Variants in RASGRP3 observed in about 807,000 individuals in gnomAD.
The protein encoded by RASGRP3 is ras guanyl-releasing protein 3.
Under a neutral mutation model 82.7 loss-of-function variants are expected in RASGRP3, and 54 were observed. The observed-to-expected ratio is 0.65, with a 90% confidence interval of 0.52 to 0.82. The LOEUF is 0.82. Among genes scored for constraint, RASGRP3 ranks in the 40% least tolerant of loss-of-function variants. The probability of loss-of-function intolerance (pLI) is 0.00; values close to 1 mark genes in which losing one functional copy is unlikely to be tolerated. For synonymous variants in RASGRP3, 309 were observed against 300.5 expected, an observed-to-expected ratio of 1.03 and a Z score of -0.29; for missense variants, 861 against 828.9, an observed-to-expected ratio of 1.04 and a Z score of -0.48.
chr2:33,476,728 CCT>C (rs70940205), intron 1 of RASGRP3, 21 bp downstream of exon 1: 4 of 142,536 alleles, frequency 2.8e-5, no homozygotes, highest in African/African-American at 5.5e-5. Context: ...GGAGAACTTT[CCT>C]CTCTCTCTCT....
chr2:33,464,179 C>CCAATCACA (rs1666548972), intron 2 of RASGRP3, among the ~76,000 whole-genome samples: 1 of 148,254 alleles, frequency 6.7e-6, no homozygotes. Context: ...AGTGCAGTGG[C>CCAATCACA]GCTATCTTGG....
At chr2:33,515,958 G>A (rs573966149) in intron 3 of RASGRP3, among the ~76,000 whole-genome samples, 1 of 152,242 alleles carries the variant, frequency 6.6e-6, no homozygotes, top group South Asian at 2.1e-4. Flanking sequence ...TAATGCCTGG[G>A]ACATACTTAC....
Position 33,534,332 on chromosome 2 carries a change from G to A in RASGRP3, c.1093G>A (p.Asp365Asn), listed in dbSNP as rs774746107. 24 of 1,568,126 alleles carry A rather than the reference G, an allele frequency of 1.5e-5. 1 individual carries two copies. In the South Asian group the frequency reaches 2.7e-4, roughly 18 times the overall value. Residue 365 changes from aspartate (D) to asparagine (N), a missense_variant, in exon 11 of 18, where the codon GAC (aspartate) becomes AAC (asparagine). By Grantham distance (23) the Asp-to-Asn change is conservative. Transcript: ENST00000403687. The stretch of plus-strand genomic sequence containing the variant: ...TCTAATTTTGTTGTAGCTTTCCCTG[G>A]ACCTCTATCACACTGAAGATGATAT... ...DLINLLTLSL[D>N]LYHTEDDIYK...
At chr2:33,473,783 T>C (rs756532164), upstream of RASGRP3, among the ~76,000 whole-genome samples, 7 of 152,204 alleles carry the variant, frequency 4.6e-5, no homozygotes, top group Non-Finnish European at 8.8e-5. Context: ...CTTCCTCTCC[T>C]GGCTATAGAA....
At chr2:33,472,618 C>T (rs992663551), upstream of RASGRP3, among the ~76,000 whole-genome samples, 19 of 152,176 alleles carry the variant, frequency 1.2e-4, 1 homozygote, top group South Asian at 3.5e-3. Context: ...ATTTTATAGA[C>T]GCCATGGGAG....
chr2:33,466,515 C>G lies in RASGRP3; in HGVS notation c.-261+18572C>G, dbSNP rs145859277. Among the ~76,000 whole-genome samples the G allele has an allele frequency of 5.8e-3, 885 of 152,108 alleles. 8 individuals carry two copies. The highest frequency in any genetic ancestry group is 0.051 in the Middle Eastern group (15 of 292). On this transcript the variant is annotated intron_variant, in intron 2 of 18. Coordinates refer to the RASGRP3 transcript ENST00000402538. ...CCAACATGGTGAAACCCTGTCTCTA[C>G]TAAAAATACAAAAATTGGCCGGGCA...
At chr2:33,484,948 C>T (rs1668243334) in intron 1 of RASGRP3, among the ~76,000 whole-genome samples, 1 of 152,146 alleles carries the variant, frequency 6.6e-6, no homozygotes, top group African/African-American at 2.4e-5. Flanking sequence ...CCTGTAATCC[C>T]AGCACTTTGG....
chr2:33,525,718 A>AAAC (rs1184114887), intron 9 of RASGRP3, among the ~76,000 whole-genome samples: 2 of 149,602 alleles, frequency 1.3e-5, no homozygotes, highest in Non-Finnish European at 3.0e-5. Context: ...AAAAAAAAAA[A>AAAC]AAAAAAAAAC....
At chr2:33,536,322 GAAAAA>G (rs35520392) in intron 11 of RASGRP3, among the ~76,000 whole-genome samples, 4,104 of 127,756 alleles carry the variant, frequency 0.032, 96 homozygotes, top group Non-Finnish European at 0.046. Context: ...ATTTAAAAAA[GAAAAA>G]AAAAAAAAAA....
At chr2:33,498,870 A>G (rs1669585752) in intron 1 of RASGRP3, among the ~76,000 whole-genome samples, 1 of 152,076 alleles carries the variant, frequency 6.6e-6, no homozygotes, top group South Asian at 2.1e-4. Context: ...TGTGCCTGAC[A>G]TATGCTTGTA....
At chr2:33,442,378 G>C (rs904545758) in intron 1 of RASGRP3, among the ~76,000 whole-genome samples, 2 of 152,130 alleles carry the variant, frequency 1.3e-5, no homozygotes, top group African/African-American at 4.8e-5. Context: ...AAAAATTTCT[G>C]GTTGGTGGGA....
intron 6 of RASGRP3, 22 bp downstream of exon 6, chr2:33,520,706 T>A (rs367859098): frequency 6.2e-5 from 100 of 1,613,032 alleles, no homozygotes; most frequent in Non-Finnish European, 8.2e-5. Flanking sequence ...ACCGACGTCT[T>A]TCACACCCAA....
intron 2 of RASGRP3, chr2:33,458,094 T>G (rs1308482117): frequency 1.3e-5 from 2 of 152,176 alleles, no homozygotes; most frequent in Non-Finnish European, 2.9e-5. Context: ...CCCACTTTTT[T>G]TTGTTCTGAA....
intron 2 of RASGRP3, among the ~76,000 whole-genome samples, chr2:33,452,323 A>G (rs137860574): frequency 1.3e-5 from 2 of 152,318 alleles, no homozygotes; most frequent in East Asian, 1.9e-4. Context: ...GTCTATGCAT[A>G]TGAAGAAGTA....
At chr2:33,520,162 G>T (rs891117498) in intron 5 of RASGRP3, 148 bp downstream of exon 5, 3 of 655,012 alleles carry the variant, frequency 4.6e-6, no homozygotes, top group East Asian at 5.6e-5. Context: ...GCTCTCCTCT[G>T]TTGGGTGGGG....
intron 1 of RASGRP3, among the ~76,000 whole-genome samples, chr2:33,487,631 A>C (rs1668511487): frequency 6.6e-6 from 1 of 152,194 alleles, no homozygotes; most frequent in Non-Finnish European, 1.5e-5. Flanking sequence ...ACCCTCAAAC[A>C]AAAGTTTGAG....
upstream of RASGRP3, chr2:33,476,444 T>C (rs1667379421): frequency 6.6e-6 from 1 of 152,154 alleles, no homozygotes; most frequent in South Asian, 2.1e-4. Flanking sequence ...GGAAAACAAA[T>C]TGTGGAATAT....
At chr2:33,494,086 C>T (rs543272174) in intron 1 of RASGRP3, among the ~76,000 whole-genome samples, 72 of 152,292 alleles carry the variant, frequency 4.7e-4, no homozygotes, top group African/African-American at 1.7e-3. Context: ...TCACTATTTA[C>T]AACTTAGGCA....
chr2:33,507,125 G>A (rs996239805), intron 1 of RASGRP3, among the ~76,000 whole-genome samples: 1 of 152,238 alleles, frequency 6.6e-6, no homozygotes, highest in Non-Finnish European at 1.5e-5. Context: ...GCCAGGCACA[G>A]TGGCTCACAC....
Sources: allele counts gnomAD v4.1 joint callset (sites outside exome capture counted in the v4.1 genomes callset), GRCh38; gene constraint gnomAD v4.1.1; transcripts MANE v1.5; gene names NCBI Gene and HGNC (gene_info 2026-07-23, HGNC 2026-07-21).